The following FCHO2 variants were observed in gnomAD, a reference collection of about 807,000 sequenced individuals.
FCHO2 encodes the protein FCH and mu domain containing endocytic adaptor 2, also known as F-BAR domain only protein 2.
Under a neutral mutation model 114.1 loss-of-function variants are expected in FCHO2, and 43 were observed. That is an observed-to-expected ratio of 0.38 (90% CI 0.30 to 0.49). FCHO2 has a LOEUF of 0.49. Among genes scored for constraint, FCHO2 ranks in the 20% least tolerant of loss-of-function variants. The probability of loss-of-function intolerance (pLI) is 0.97; values close to 1 mark genes in which losing one functional copy is unlikely to be tolerated. For missense variants in FCHO2, 807 were observed against 950.4 expected, an observed-to-expected ratio of 0.85 and a Z score of 1.98; for synonymous variants, 293 against 315.2, an observed-to-expected ratio of 0.93 and a Z score of 0.75.
chr5:72,958,217 A>G (rs930393349), intron 1 of FCHO2, among the ~76,000 whole-genome samples: 1 of 151,460 alleles, frequency 6.6e-6, no homozygotes, highest in Non-Finnish European at 1.5e-5. Flanking sequence ...ATTTTTTTCT[A>G]TTACTTGTGC....
chr5:73,022,232 A>G (rs1249786333), intron 8 of FCHO2, among the ~76,000 whole-genome samples: 1 of 152,222 alleles, frequency 6.6e-6, no homozygotes, highest in Non-Finnish European at 1.5e-5. Flanking sequence ...CTGGGTCACA[A>G]ATGATCCAGA....
intron 1 of FCHO2, among the ~76,000 whole-genome samples, chr5:72,966,578 TTG>T (rs1273288902): frequency 6.6e-6 from 1 of 152,248 alleles, no homozygotes; most frequent in Non-Finnish European, 1.5e-5. Flanking sequence ...GCTAAGGATA[TTG>T]TTCATATTAT....
intron 5 of FCHO2, among the ~76,000 whole-genome samples, chr5:72,994,183 A>G (rs759055273): frequency 6.6e-6 from 1 of 152,240 alleles, no homozygotes; most frequent in Non-Finnish European, 1.5e-5. Flanking sequence ...AGAAACTATC[A>G]AAAGAGTAAA....
At chr5:73,048,793 T>C (rs1757192883) in intron 11 of FCHO2, among the ~76,000 whole-genome samples, 1 of 151,804 alleles carries the variant, frequency 6.6e-6, no homozygotes, top group Non-Finnish European at 1.5e-5. Context: ...ATTGTATTAA[T>C]ACCCACAAAG....
At chr5:73,033,496 T>C (rs1245296937) in intron 8 of FCHO2, among the ~76,000 whole-genome samples, 1 of 152,120 alleles carries the variant, frequency 6.6e-6, no homozygotes, top group African/African-American at 2.4e-5. Flanking sequence ...GAATGATCAA[T>C]AATAATGCTG....
At chr5:73,055,235 C>G (rs1200503) in intron 15 of FCHO2, 109,513 of 214,274 alleles carry the variant, frequency 0.51, 29,552 homozygotes, top group African/African-American at 0.71. Flanking sequence ...AGGATAAATG[C>G]AGGGTGCTGA....
At chr5:72,980,403 T>A (rs1038436458) in intron 2 of FCHO2, among the ~76,000 whole-genome samples, 3 of 152,200 alleles carry the variant, frequency 2.0e-5, no homozygotes, top group African/African-American at 7.2e-5. Context: ...GATGTGGTGC[T>A]GAGAAGAATG....
chr5:73,003,015 G>GT lies in FCHO2; in HGVS notation c.496-3423dup, dbSNP rs1754527891. On this transcript the variant is annotated intron_variant, in intron 5 of 25. Coordinates refer to ENST00000430046, the MANE Select transcript of FCHO2 (RefSeq NM_138782.3). ...TTCCCGTTTTATTTTTATGATATTT[G>GT]TTTTTTTGTTTTTTGAGTCAGGGTC... 5.9e-5 allele frequency among the ~76,000 whole-genome samples: 9 copies of GT among 152,042 alleles called. No individual in the cohort carries two copies. In the South Asian group the frequency reaches 1.7e-3, roughly 28 times the overall value.
At chr5:73,030,963 G>A (rs1756209147) in intron 8 of FCHO2, among the ~76,000 whole-genome samples, 1 of 152,186 alleles carries the variant, frequency 6.6e-6, no homozygotes. Context: ...TGGAGAGAGA[G>A]AGAAAGCAAA....
At chr5:73,003,576 A>G (rs1282723406) in intron 5 of FCHO2, among the ~76,000 whole-genome samples, 2 of 152,170 alleles carry the variant, frequency 1.3e-5, no homozygotes, top group African/African-American at 4.8e-5. Context: ...AAATATCTGT[A>G]TTAGGAATGA....
At chr5:73,054,066 A>G in intron 13 of FCHO2, 94 bp from the exon 14 acceptor site, 7 of 982,456 alleles carry the variant, frequency 7.1e-6, no homozygotes, top group South Asian at 2.0e-5. Flanking sequence ...TATAGTTTAG[A>G]TATGATTGAA....
intron 8 of FCHO2, among the ~76,000 whole-genome samples, chr5:73,031,913 A>G (rs937185341): frequency 2.6e-5 from 4 of 152,278 alleles, no homozygotes; most frequent in Non-Finnish European, 5.9e-5. Context: ...TGAGTCTAAA[A>G]CAGTTAAAAT....
Position 73,037,297 on chromosome 5 carries a change from A to T in FCHO2, c.914+82A>T, listed in dbSNP as rs913137699. Reference sequence around the variant, plus strand: ...AGACTTTTGAATTTGGAAAGAAAAAAGTATTTTGGAAATAACTCAAAAGTA... The same window carrying T: ...AGACTTTTGAATTTGGAAAGAAAAATGTATTTTGGAAATAACTCAAAAGTA... On this transcript the variant is annotated intron_variant, in intron 10 of 25. Transcript: ENST00000430046. The T allele has an allele frequency of 3.7e-6, 4 of 1,081,930 alleles. No homozygotes were observed. The South Asian group carries it at 5.4e-5, about 15-fold the overall frequency. The allele number at this position is 1,081,930 out of a possible 1,614,324, so 67.0% of individuals were successfully genotyped here.
chr5:73,003,199 GA>G (rs905654399), intron 5 of FCHO2, among the ~76,000 whole-genome samples: 72 of 151,934 alleles, frequency 4.7e-4, no homozygotes, highest in African/African-American at 1.6e-3. Flanking sequence ...TATTTTTGGA[GA>G]ATGGGGTCTT....
chr5:73,021,048 G>T, intron 8 of FCHO2: 2 of 1,007,512 alleles, frequency 2.0e-6, no homozygotes, highest in East Asian at 2.4e-5. Context: ...ATCCATGGAA[G>T]TTTACCTGGT....
At chr5:72,984,223 G>A (rs1753385489) in intron 2 of FCHO2, among the ~76,000 whole-genome samples, 1 of 152,068 alleles carries the variant, frequency 6.6e-6, no homozygotes, top group Admixed American at 6.6e-5. Context: ...CCCATTCTTG[G>A]TCTAAACACA....
At chr5:72,994,776 G>A (rs1297382905) in intron 5 of FCHO2, among the ~76,000 whole-genome samples, 2 of 152,166 alleles carry the variant, frequency 1.3e-5, no homozygotes, top group Admixed American at 6.5e-5. Flanking sequence ...GGAATACTAT[G>A]CAGCCATAAA....
intron 8 of FCHO2, among the ~76,000 whole-genome samples, chr5:73,018,600 A>G (rs1456809246): frequency 6.6e-6 from 1 of 151,824 alleles, no homozygotes; most frequent in African/African-American, 2.4e-5. Flanking sequence ...ACCGTGGATT[A>G]AAACAGTTTG....
chr5:72,963,776 C>T (rs1196466402), intron 1 of FCHO2, among the ~76,000 whole-genome samples: 1 of 152,056 alleles, frequency 6.6e-6, no homozygotes, highest in Admixed American at 6.5e-5. Flanking sequence ...GTCTCAAACT[C>T]TTAGCCTCAA....
Sources: allele counts gnomAD v4.1 joint callset (sites outside exome capture counted in the v4.1 genomes callset), GRCh38; gene constraint gnomAD v4.1.1; transcripts MANE v1.5; gene names NCBI Gene and HGNC (gene_info 2026-07-23, HGNC 2026-07-21).